The following LRRC57 variants were observed in gnomAD, a reference collection of about 807,000 sequenced individuals.
LRRC57 encodes leucine rich repeat containing 57.
A neutral mutation model predicts 23.1 loss-of-function variants in LRRC57; 14 were observed. The ratio of observed to expected loss-of-function variants is 0.61; its 90% CI spans 0.40 to 0.95. The LOEUF is 0.95. LRRC57 is among the 40% of genes least tolerant of loss of function. LRRC57 has a pLI of 0.00. For missense variants in LRRC57, 236 were observed against 284.4 expected, an observed-to-expected ratio of 0.83 and a Z score of 1.22; for synonymous variants, 106 against 115.2, an observed-to-expected ratio of 0.92 and a Z score of 0.51.
At chr15:42,529,637 C>T in the LRRC57 span, 38 of 1,595,462 alleles carry the variant, frequency 2.4e-5, no homozygotes, top group Admixed American at 3.7e-4. Context: ...TATTTAAATT[C>T]AACAAAACCT....
the LRRC57 span, among the ~76,000 whole-genome samples, chr15:42,528,900 CTG>C: frequency 9.2e-5 from 14 of 152,140 alleles, no homozygotes; most frequent in Non-Finnish European, 1.8e-4. Flanking sequence ...AAAATGTTGA[CTG>C]TGGTGGTTGA....
the LRRC57 span, among the ~76,000 whole-genome samples, chr15:42,529,150 C>A: frequency 1.3e-5 from 2 of 152,256 alleles, no homozygotes; most frequent in African/African-American, 4.8e-5. Flanking sequence ...TTAAAGCAGG[C>A]ATAAACAATA....
chr15:42,543,917 G>A lies in LRRC57; in HGVS notation c.*166C>T. ...ATCCTTTTTCTTTTAGCTTATTTGA[G>A]AAGAGCCCTGAAATGAGAAAAGATC... On this transcript the variant is annotated 3_prime_UTR_variant, in exon 6 of 6. Transcript: ENST00000397130. The A allele has an allele frequency of 1.9e-6, 1 of 522,672 alleles. No individual in the cohort carries two copies. 32.4% of individuals were successfully genotyped at this position (522,672 alleles called of 1,614,324 possible). A position where few individuals can be genotyped will look rare whatever the true frequency, so the allele number is the denominator to read the frequency against.
rs927932198 is a variant in LRRC57 at position 42,548,676 on chromosome 15, G to C, written c.-23+17C>G. ...GCCTCTGGGAGCCTACGGAAGATCA[G>C]GGAGCCCCGGACTCGCCTCCCACCG... On this transcript the variant is annotated intron_variant, in intron 1 of 5. Transcript: ENST00000397130. 4.8e-6 allele frequency: 3 copies of C among 621,360 alleles called. No homozygotes were observed. Among genetic ancestry groups the C allele is most frequent in the Non-Finnish European group, 8.4e-6 (3 of 356,848 alleles). 38.5% of individuals were successfully genotyped at this position (621,360 alleles called of 1,614,324 possible).
At chr15:42,531,359 A>G in the LRRC57 span, 2 of 1,270,776 alleles carry the variant, frequency 1.6e-6, no homozygotes, top group Non-Finnish European at 2.1e-6. Context: ...TAAAAAGTTT[A>G]ATTTTTATTA....
chr15:42,544,880 A>C (rs1054584654), intron 5 of LRRC57, among the ~76,000 whole-genome samples, 197 bp downstream of exon 5: 7 of 150,008 alleles, frequency 4.7e-5, no homozygotes, highest in Non-Finnish European at 1.0e-4. Context: ...AGATGAAGAC[A>C]AAGATGCTTT....
In LRRC57 at chr15:42,547,255, C is replaced by G. The variant is rs1487010043; in HGVS notation, c.492+6G>C. ...CTGTAGGAAAAAAAACCTTAAAGCT[C>G]TAGACCTGATTCTGGTTGAGGTTGA... On this transcript the variant is annotated splice_donor_region_variant and intron_variant, in intron 4 of 5. Coordinates refer to ENST00000397130, the MANE Select transcript of LRRC57 (RefSeq NM_153260.3). 8.1e-6 allele frequency: 13 copies of G among 1,613,314 alleles called. No homozygotes were observed. The highest frequency in any genetic ancestry group is 1.1e-5 in the Non-Finnish European group (13 of 1,179,740).
the LRRC57 span, chr15:42,528,460 T>G: frequency 6.3e-7 from 1 of 1,588,760 alleles, no homozygotes; most frequent in Middle Eastern, 1.7e-4. Context: ...CCTTTCTTAA[T>G]GAATGGTTCA....
downstream of LRRC57, among the ~76,000 whole-genome samples, chr15:42,535,446 CA>C (rs2057595991): frequency 6.8e-6 from 1 of 147,192 alleles, no homozygotes; most frequent in Non-Finnish European, 1.5e-5. Flanking sequence ...CCTGTCTTGG[CA>C]TTTTTTTTTT....
the LRRC57 span, among the ~76,000 whole-genome samples, chr15:42,529,428 G>A: frequency 3.3e-5 from 5 of 152,128 alleles, no homozygotes; most frequent in Non-Finnish European, 7.3e-5. Context: ...GTGATGCTGG[G>A]AATTAAGCTT....
In LRRC57 at chr15:42,542,233, G is replaced by T. The variant is rs942006937; in HGVS notation, c.*1850C>A. ...CCAGCTAATTTTTGTATTTTTAGTA[G>T]AGATGGGGTATCACCACATTGGTCA... On this transcript the variant is annotated 3_prime_UTR_variant, in exon 6 of 6. Transcript: ENST00000397130. 6.6e-6 allele frequency: 1 copy of T among 151,584 alleles called. No individual in the cohort carries two copies. Among genetic ancestry groups the T allele is most frequent in the East Asian group, 1.9e-4 (1 of 5,168 alleles). The allele number at this position is 151,584 out of a possible 1,614,324, so 9.4% of individuals were successfully genotyped here. A position where few individuals can be genotyped will look rare whatever the true frequency, so the allele number is the denominator to read the frequency against.
chr15:42,545,894 A>G (rs1397932027), intron 4 of LRRC57, among the ~76,000 whole-genome samples: 2 of 152,172 alleles, frequency 1.3e-5, no homozygotes, highest in East Asian at 3.8e-4. Context: ...CATTCATTAA[A>G]GTCCATCACT....
the LRRC57 span, chr15:42,529,824 A>C: frequency 6.2e-7 from 1 of 1,610,004 alleles, no homozygotes; most frequent in Non-Finnish European, 8.5e-7. Context: ...GACAAGGTAA[A>C]AGCTTTTTAT....
the LRRC57 span, among the ~76,000 whole-genome samples, chr15:42,530,419 T>G: frequency 0.05 from 7,655 of 151,746 alleles, 636 homozygotes; most frequent in African/African-American, 0.17. Context: ...ATGATATAAA[T>G]ATAGTGAAAG....
the LRRC57 span, chr15:42,529,807 A>G: frequency 6.2e-7 from 1 of 1,611,574 alleles, no homozygotes; most frequent in South Asian, 1.1e-5. Context: ...AAATAAAACG[A>G]ATCACAGACA....
Position 42,543,901 on chromosome 15 carries a change from C to A in LRRC57, c.*182G>T. 2.0e-6 allele frequency: 1 copy of A among 498,484 alleles called. No homozygotes were observed. Among genetic ancestry groups the A allele is most frequent in the South Asian group, 4.8e-5 (1 of 20,996 alleles). 30.9% of individuals were successfully genotyped at this position (498,484 alleles called of 1,614,324 possible). A position where few individuals can be genotyped will look rare whatever the true frequency, so the allele number is the denominator to read the frequency against. Reference sequence around the variant, plus strand: ...CTTTTCCTGTCTCCTGATCCTTTTTCTTTTAGCTTATTTGAGAAGAGCCCT... The same window carrying A: ...CTTTTCCTGTCTCCTGATCCTTTTTATTTTAGCTTATTTGAGAAGAGCCCT... On this transcript the variant is annotated 3_prime_UTR_variant, in exon 6 of 6. Coordinates refer to ENST00000397130, the MANE Select transcript of LRRC57 (RefSeq NM_153260.3).
chr15:42,544,815 T>TCACA lies in LRRC57; in HGVS notation c.678+258_678+261dup, dbSNP rs202009649. Among the ~76,000 whole-genome samples, 110 of 131,846 alleles carry TCACA rather than the reference T, an allele frequency of 8.3e-4. 4 individuals carry two copies. The highest frequency in any genetic ancestry group is 1.8e-3 in the South Asian group (8 of 4,392). 86.5% of individuals were successfully genotyped at this position (131,846 alleles called of 152,430 possible). ...CTGGGCGACAGAGTGAGACCCTGTC[T>TCACA]CACACACACACACACACACACACAC... On this transcript the variant is annotated intron_variant, in intron 5 of 5. Transcript: ENST00000397130.
chr15:42,534,677 A>T (rs1455038354), downstream of LRRC57, among the ~76,000 whole-genome samples: 4 of 152,228 alleles, frequency 2.6e-5, no homozygotes, highest in Non-Finnish European at 5.9e-5. Context: ...CTTTGATCCA[A>T]GGGCTGTAGA....
chr15:42,537,491 A>G (rs2057606731), downstream of LRRC57, among the ~76,000 whole-genome samples: 1 of 152,208 alleles, frequency 6.6e-6, no homozygotes, highest in South Asian at 2.1e-4. Context: ...GATCTCTCAG[A>G]AAACTAAAAA....
Sources: gnomAD v4.1 joint callset for allele counts (sites outside exome capture counted in the v4.1 genomes callset) on GRCh38, gnomAD v4.1.1 for gene constraint, MANE v1.5 for transcripts, NCBI Gene and HGNC (gene_info 2026-07-23, HGNC 2026-07-21) for gene names.